Variants in ZNF804B observed in about 807,000 individuals in gnomAD.
ZNF804B encodes the protein zinc finger 804B.
In ZNF804B, 80 loss-of-function variants were observed where a neutral mutation model predicts 101.4. That is an observed-to-expected ratio of 0.79 (90% confidence interval 0.66 to 0.95). The LOEUF is 0.95. Among genes scored for constraint, ZNF804B ranks in the 40% least tolerant of loss-of-function variants. The probability of loss-of-function intolerance (pLI) is 0.00; values close to 1 mark genes in which losing one functional copy is unlikely to be tolerated. For synonymous variants in ZNF804B, 622 were observed against 558.8 expected (o/e 1.11, Z -1.59); for missense variants, 1,673 against 1,561.9 (o/e 1.07, Z -1.20).
intron 2 of ZNF804B, among the ~76,000 whole-genome samples, chr7:89,233,501 C>T (rs2115744684): frequency 6.6e-6 from 1 of 152,130 alleles, no homozygotes. Flanking sequence ...ATTTTGTTTG[C>T]ATTTTAAAGG....
chr7:89,110,226 T>C (rs1166026010), intron 1 of ZNF804B, among the ~76,000 whole-genome samples: 8 of 152,128 alleles, frequency 5.3e-5, no homozygotes, highest in Admixed American at 3.3e-4. Context: ...TACAATATAG[T>C]ATATTCAGAA....
rs528933933 is a variant in ZNF804B at position 89,277,417 on chromosome 7, C to T, written c.250-49927C>T. Among the ~76,000 whole-genome samples the T allele has an allele frequency of 8.9e-4, 122 of 137,312 alleles. 1 individual carries two copies. Among genetic ancestry groups the T allele is most frequent in the African/African-American group, 3.2e-3 (118 of 36,488 alleles). 90.1% of individuals were successfully genotyped at this position (137,312 alleles called of 152,430 possible). Reference sequence around the variant, plus strand: ...TATTTATACATGTGACATGCTGGTGCGCTGCACCCACTAACTTGTCATCTA... The same window carrying T: ...TATTTATACATGTGACATGCTGGTGTGCTGCACCCACTAACTTGTCATCTA... On this transcript the variant is annotated intron_variant, in intron 2 of 3. Coordinates refer to ENST00000333190, the MANE Select transcript of ZNF804B (RefSeq NM_181646.5).
At chr7:88,891,223 A>AT (rs1418033887) in intron 1 of ZNF804B, among the ~76,000 whole-genome samples, 1 of 152,034 alleles carries the variant, frequency 6.6e-6, no homozygotes, top group African/African-American at 2.4e-5. Context: ...TTATGCACTG[A>AT]TTGTAGATAC....
intron 1 of ZNF804B, among the ~76,000 whole-genome samples, chr7:88,849,402 CT>C (rs1791418793): frequency 6.6e-6 from 1 of 151,666 alleles, no homozygotes; most frequent in Non-Finnish European, 1.5e-5. Context: ...AAAGAGTGGG[CT>C]TAATCCAACA....
At chr7:89,172,435 G>A (rs1022622471) in intron 1 of ZNF804B, among the ~76,000 whole-genome samples, 1 of 152,030 alleles carries the variant, frequency 6.6e-6, no homozygotes, top group Non-Finnish European at 1.5e-5. Flanking sequence ...TGGCTATGTC[G>A]GTCAAGTTAA....
At chr7:89,064,924 G>T (rs927727497) in intron 1 of ZNF804B, among the ~76,000 whole-genome samples, 4 of 152,092 alleles carry the variant, frequency 2.6e-5, no homozygotes, top group African/African-American at 9.7e-5. Flanking sequence ...GAATCAGGCT[G>T]GGCACAGATT....
intron 1 of ZNF804B, among the ~76,000 whole-genome samples, chr7:89,040,068 T>C (rs560285160): frequency 1.3e-5 from 2 of 152,150 alleles, no homozygotes; most frequent in South Asian, 2.1e-4. Flanking sequence ...AAATATACTT[T>C]TATACTTTTT....
At chr7:88,775,810 T>A (rs148847916) in intron 1 of ZNF804B, among the ~76,000 whole-genome samples, 1 of 152,196 alleles carries the variant, frequency 6.6e-6, no homozygotes. Flanking sequence ...TGACAAAGCT[T>A]GTCTCTTTCT....
chr7:89,048,202 A>AC (rs1405671340), intron 1 of ZNF804B, among the ~76,000 whole-genome samples: 3 of 82,942 alleles, frequency 3.6e-5, no homozygotes, highest in East Asian at 2.9e-4. Context: ...TGATGTTCAC[A>AC]AACACACACA....
At chr7:88,830,333 G>T (rs1791112703) in intron 1 of ZNF804B, among the ~76,000 whole-genome samples, 2 of 151,532 alleles carry the variant, frequency 1.3e-5, no homozygotes, top group Non-Finnish European at 3.0e-5. Flanking sequence ...GTACAAGTTA[G>T]AAATTTAGCA....
intron 1 of ZNF804B, among the ~76,000 whole-genome samples, chr7:89,172,496 A>C (rs1193632725): frequency 6.6e-6 from 1 of 152,158 alleles, no homozygotes; most frequent in Non-Finnish European, 1.5e-5. Flanking sequence ...CTTCTCGCCT[A>C]TGAAATTATT....
chr7:89,262,461 A>G (rs975841022), intron 2 of ZNF804B, among the ~76,000 whole-genome samples: 1 of 152,158 alleles, frequency 6.6e-6, no homozygotes, highest in African/African-American at 2.4e-5. Flanking sequence ...TCTCTTCCTC[A>G]AAGGCTTGCT....
intron 2 of ZNF804B, among the ~76,000 whole-genome samples, chr7:89,225,127 C>G (rs549432636): frequency 6.6e-6 from 1 of 152,020 alleles, no homozygotes; most frequent in African/African-American, 2.4e-5. Flanking sequence ...GGACATTTCC[C>G]TTTTACCTTA....
chr7:89,221,755 A>C (rs1789008416), intron 2 of ZNF804B, among the ~76,000 whole-genome samples: 1 of 102,582 alleles, frequency 9.7e-6, no homozygotes, highest in African/African-American at 3.7e-5. Context: ...TATTCTATCT[A>C]TATGCACACT....
At chr7:89,162,611 A>G (rs1042395437) in intron 1 of ZNF804B, among the ~76,000 whole-genome samples, 11 of 150,108 alleles carry the variant, frequency 7.3e-5, no homozygotes, top group African/African-American at 2.7e-4. Context: ...TTTTTTTAAT[A>G]GGTTGGGCAT....
At chr7:89,301,537 C>T (rs2115922913) in intron 2 of ZNF804B, among the ~76,000 whole-genome samples, 1 of 151,918 alleles carries the variant, frequency 6.6e-6, no homozygotes, top group African/African-American at 2.4e-5. Flanking sequence ...CTTTTCTTTT[C>T]CTCATGAATG....
intron 2 of ZNF804B, among the ~76,000 whole-genome samples, chr7:89,223,544 T>G (rs977558300): frequency 6.6e-6 from 1 of 151,794 alleles, no homozygotes; most frequent in African/African-American, 2.4e-5. Flanking sequence ...GTGATACATA[T>G]ATTTAAATGA....
intron 1 of ZNF804B, among the ~76,000 whole-genome samples, chr7:88,934,464 C>T (rs772030352): frequency 2.6e-5 from 4 of 151,934 alleles, no homozygotes; most frequent in Non-Finnish European, 5.9e-5. Flanking sequence ...AAACAGACAA[C>T]CCACAGAATG....
chr7:89,329,724 T>C (rs1017615243), intron 3 of ZNF804B, among the ~76,000 whole-genome samples: 4 of 151,688 alleles, frequency 2.6e-5, no homozygotes, highest in South Asian at 4.1e-4. Context: ...TTCTTATGTA[T>C]GTAAGTTTTA....
Sources: gnomAD v4.1 joint callset for allele counts (sites outside exome capture counted in the v4.1 genomes callset) on GRCh38, gnomAD v4.1.1 for gene constraint, MANE v1.5 for transcripts, NCBI Gene and HGNC (gene_info 2026-07-23, HGNC 2026-07-21) for gene names.